The following TTC3 variants were observed in gnomAD, a reference collection of about 807,000 sequenced individuals.
TTC3 encodes the protein E3 ubiquitin-protein ligase TTC3.
Under a neutral mutation model 249.6 loss-of-function variants are expected in TTC3, and 180 were observed. That is an observed-to-expected ratio of 0.72 (90% CI 0.64 to 0.82). The LOEUF is 0.82. TTC3 is among the 40% of genes least tolerant of loss of function. TTC3 has a pLI of 0.00. For synonymous variants in TTC3, 717 were observed against 805.0 expected, an observed-to-expected ratio of 0.89 and a Z score of 1.85; for missense variants, 2,061 against 2,398.4, an observed-to-expected ratio of 0.86 and a Z score of 2.94.
At chr21:37,093,401 A>G (rs1183125542) in intron 7 of TTC3, 1 of 149,380 alleles carries the variant, frequency 6.7e-6, no homozygotes, top group Non-Finnish European at 1.5e-5. Flanking sequence ...AAAAAAAAAA[A>G]AGGAAATGCT....
chr21:37,191,674 G>A (rs1461763745), intron 40 of TTC3, among the ~76,000 whole-genome samples: 1 of 152,140 alleles, frequency 6.6e-6, no homozygotes, highest in Non-Finnish European at 1.5e-5. Context: ...CGCCTCCCAG[G>A]TTCAAGTGAT....
At chr21:37,129,466 T>C (rs2077296506) in intron 16 of TTC3, among the ~76,000 whole-genome samples, 1 of 152,184 alleles carries the variant, frequency 6.6e-6, no homozygotes, top group South Asian at 2.1e-4. Flanking sequence ...TTCATGACTA[T>C]TGGGAAACTT....
chr21:37,126,386 C>A (rs2077046421), intron 15 of TTC3, among the ~76,000 whole-genome samples: 1 of 152,066 alleles, frequency 6.6e-6, no homozygotes. Context: ...GTACATAGCT[C>A]TTTTTGGTCT....
At chr21:37,201,556 T>G (rs778051395) in exon 46 of TTC3, 2 of 1,613,862 alleles carry the variant, frequency 1.2e-6, no homozygotes, top group Non-Finnish European at 1.7e-6. Context: ...AGGAGCTGCC[T>G]TCCTGCTCTT....
At chr21:37,087,734 A>C in intron 2 of TTC3, 99 bp from the exon 3 acceptor site, 1 of 928,992 alleles carries the variant, frequency 1.1e-6, no homozygotes, top group East Asian at 2.6e-5. Flanking sequence ...ATATAAATAA[A>C]TGCCCACTGA....
At chr21:37,103,460 C>A (rs1264758639) in intron 10 of TTC3, among the ~76,000 whole-genome samples, 1 of 152,150 alleles carries the variant, frequency 6.6e-6, no homozygotes, top group Non-Finnish European at 1.5e-5. Flanking sequence ...AGACCCTGGG[C>A]TGCAGTGGTC....
At chr21:37,079,517 G>C (rs1439918829) in intron 1 of TTC3, among the ~76,000 whole-genome samples, 1 of 91,180 alleles carries the variant, frequency 1.1e-5, no homozygotes, top group African/African-American at 4.8e-5. Context: ...TTATGGTATG[G>C]TTTTTTTTTT....
chr21:37,158,005 T>A (rs2080280149), intron 28 of TTC3: 1 of 394,278 alleles, frequency 2.5e-6, no homozygotes. Flanking sequence ...TTAAAAGGTC[T>A]GGCCTTGTAC....
chr21:37,143,429 A>G lies in TTC3; in HGVS notation c.1773-1096A>G, dbSNP rs985494592. Among the ~76,000 whole-genome samples, 9 of 152,080 alleles carry G rather than the reference A, an allele frequency of 5.9e-5. No homozygotes were observed. In the South Asian group the frequency reaches 6.2e-4, roughly 11 times the overall value. ...AAAACAACCCCATCAAAAAGTGGGCAAAGGATATGAACAGACACTTCTCAA... is the reference window on the plus strand; with the variant it reads ...AAAACAACCCCATCAAAAAGTGGGCGAAGGATATGAACAGACACTTCTCAA... On this transcript the variant is annotated intron_variant, in intron 20 of 45. Coordinates refer to ENST00000355666, the Ensembl canonical transcript of TTC3.
At chr21:37,188,672 T>A in intron 39 of TTC3, 77 bp downstream of exon 39, 1 of 1,092,472 alleles carries the variant, frequency 9.2e-7, no homozygotes, top group Non-Finnish European at 1.4e-6. Flanking sequence ...AACATTATTT[T>A]GTATTAGGAC....
intron 26 of TTC3, 28 bp from the exon 27 acceptor site, chr21:37,152,923 C>T: frequency 1.3e-6 from 2 of 1,493,616 alleles, no homozygotes; most frequent in East Asian, 2.3e-5. Flanking sequence ...TCCTATTTAT[C>T]ACTTTAACCA....
chr21:37,147,547 C>T lies in TTC3; in HGVS notation c.1960C>T (p.Gln654Ter), dbSNP rs1315242014. 6.2e-7 allele frequency: 1 copy of T among 1,610,782 alleles called. No homozygotes were observed. The highest frequency in any genetic ancestry group is 2.2e-5 in the East Asian group (1 of 44,760). The change falls in exon 22 of 46, where the codon CAG becomes TAG. Residue 654 changes from glutamine to a stop codon, truncating the protein, a stop_gained. Transcript: ENST00000355666. LOFTEE classifies it high-confidence loss of function. ...AGTGCCAGATGCCATTTGTTGCTATCAGAAGTGCCATGGATATTCTAAGAT... is the reference window on the plus strand; with the variant it reads ...AGTGCCAGATGCCATTTGTTGCTATTAGAAGTGCCATGGATATTCTAAGAT...
intron 7 of TTC3, among the ~76,000 whole-genome samples, chr21:37,093,146 G>A (rs1342258391): frequency 6.6e-6 from 1 of 152,038 alleles, no homozygotes; most frequent in African/African-American, 2.4e-5. Context: ...GGGAGGCCGA[G>A]GCGGGTGGAT....
intron 10 of TTC3, among the ~76,000 whole-genome samples, chr21:37,100,264 TTGTTAA>T (rs2074348363): frequency 6.6e-6 from 1 of 152,236 alleles, no homozygotes; most frequent in Non-Finnish European, 1.5e-5. Flanking sequence ...GGTGTTCATT[TTGTTAA>T]TGTTCTCTGT....
intron 21 of TTC3, 75 bp from the exon 22 acceptor site, chr21:37,147,406 G>C (rs1358359786): frequency 7.4e-7 from 1 of 1,358,876 alleles, no homozygotes; most frequent in African/African-American, 1.5e-5. Flanking sequence ...GATGGCAAGA[G>C]GTTATTGAAA....
chr21:37,073,430 T>G lies in TTC3; in HGVS notation c.-12+66T>G. On this transcript the variant is annotated intron_variant, in intron 1 of 45. It removes an upstream start codon present in the reference 5' UTR. Coordinates refer to ENST00000355666, the Ensembl canonical transcript of TTC3. Reference sequence around the variant, plus strand: ...TCACCTTGTCCCGCTGCAGCCGAGATGCCGGGGGAGCGGGGCCTTCCACAC... The same window carrying G: ...TCACCTTGTCCCGCTGCAGCCGAGAGGCCGGGGGAGCGGGGCCTTCCACAC... 1.0e-6 allele frequency: 1 copy of G among 986,646 alleles called. No individual in the cohort carries two copies. Among genetic ancestry groups the G allele is most frequent in the Non-Finnish European group, 1.2e-6 (1 of 830,436 alleles). 61.1% of individuals were successfully genotyped at this position (986,646 alleles called of 1,614,324 possible).
chr21:37,138,615 G>A lies in TTC3; in HGVS notation c.1579-19G>A. The A allele has an allele frequency of 6.3e-7, 1 of 1,598,672 alleles. No individual in the cohort carries two copies. On this transcript the variant is annotated intron_variant, in intron 18 of 45. Coordinates refer to ENST00000355666, the Ensembl canonical transcript of TTC3. ...CAGAATTATATTCAGATTTTTAACT[G>A]AGGCATTTTTATTGACAGCAATTGA...
rs755679940 is a variant in TTC3 at position 37,094,044 on chromosome 21, A to G, written c.641A>G (p.Asn214Ser). Reference sequence around the variant, plus strand: ...ACTAAAATTGTAATGGAAGACTGCAATTTGCTTGAAGAACTTAAAACTCAA... The same window carrying G: ...ACTAAAATTGTAATGGAAGACTGCAGTTTGCTTGAAGAACTTAAAACTCAA... Residue 214 changes from asparagine to serine, a missense_variant, in exon 8 of 46, where the codon AAT (asparagine) becomes AGT (serine). Around this residue, in one of 3 missense-constraint regions of TTC3, gnomAD observed 989 missense variants for 1,145.1 expected, o/e 0.86. Transcript: ENST00000355666. 1.1e-5 allele frequency: 18 copies of G among 1,608,890 alleles called. No individual in the cohort carries two copies. Among genetic ancestry groups the G allele is most frequent in the African/African-American group, 8.0e-5 (6 of 74,790 alleles).
chr21:37,080,694 CT>C (rs1237517556), intron 1 of TTC3, among the ~76,000 whole-genome samples: 2 of 152,078 alleles, frequency 1.3e-5, no homozygotes, highest in Non-Finnish European at 2.9e-5. Context: ...CGAACCTTTA[CT>C]ATATTGTGAT....
Sources: gnomAD v4.1 joint callset for allele counts (sites outside exome capture counted in the v4.1 genomes callset) on GRCh38, gnomAD v4.1.1 for gene constraint, gnomAD v4.1.1 regional missense constraint, MANE v1.5 for transcripts, NCBI Gene and HGNC (gene_info 2026-07-23, HGNC 2026-07-21) for gene names.